Variants in COL6A5 observed in about 807,000 individuals in gnomAD.
The protein encoded by COL6A5 is collagen alpha-5(VI) chain.
Under a neutral mutation model 65.6 loss-of-function variants are expected in COL6A5, and 48 were observed. The ratio of observed to expected loss-of-function variants is 0.73; its 90% CI spans 0.58 to 0.93. COL6A5 has a LOEUF of 0.93. Ranked by LOEUF, COL6A5 falls within the 40% of genes least tolerant of loss-of-function variation. The probability of loss-of-function intolerance (pLI) is 0.00; values close to 1 mark genes in which losing one functional copy is unlikely to be tolerated. For synonymous variants in COL6A5, 291 were observed against 322.8 expected, an observed-to-expected ratio of 0.90 and a Z score of 1.05; for missense variants, 914 against 928.3, an observed-to-expected ratio of 0.98 and a Z score of 0.20.
intron 1 of COL6A5, among the ~76,000 whole-genome samples, chr3:130,436,102 A>C (rs1040298702): frequency 6.6e-6 from 1 of 152,080 alleles, no homozygotes; most frequent in African/African-American, 2.4e-5. Context: ...TAGCAGGTTA[A>C]ATCTCTATAA....
chr3:130,359,386 T>C (rs1935031400), intron 1 of COL6A5, among the ~76,000 whole-genome samples: 1 of 152,064 alleles, frequency 6.6e-6, no homozygotes, highest in African/African-American at 2.4e-5. Flanking sequence ...TTTAGAAGCC[T>C]ATGAAATGTT....
intron 1 of COL6A5, among the ~76,000 whole-genome samples, chr3:130,369,747 C>A (rs928461373): frequency 4.6e-5 from 7 of 152,132 alleles, no homozygotes; most frequent in Non-Finnish European, 8.8e-5. Flanking sequence ...GGAGCTTTAG[C>A]CCCCATCTCT....
intron 4 of COL6A5, among the ~76,000 whole-genome samples, chr3:130,383,645 TGG>T (rs1936083294): frequency 1.3e-5 from 2 of 152,052 alleles, no homozygotes; most frequent in Non-Finnish European, 2.9e-5. Context: ...GCAACTGCCG[TGG>T]GCTGAAGTAG....
intron 1 of COL6A5, among the ~76,000 whole-genome samples, chr3:130,371,303 T>A (rs1378486505): frequency 6.6e-6 from 1 of 152,064 alleles, no homozygotes; most frequent in African/African-American, 2.4e-5. Flanking sequence ...TTTCTTTTTT[T>A]TTTTCAGAAA....
rs73214706 is a variant in COL6A5 at position 130,361,398 on chromosome 3, C to G, written c.-28-12213C>G. ...TAATATGCATTTAAGGTTCATGTCT[C>G]TTAATGGCTTGATAGTATATTTCAT... is the stretch of plus-strand genomic sequence containing the variant. On this transcript the variant is annotated intron_variant and NMD_transcript_variant, in intron 1 of 41. Transcript: ENST00000312481. 7.4e-3 allele frequency among the ~76,000 whole-genome samples: 1,128 copies of G among 152,074 alleles called. 5 individuals are homozygous for G. Among genetic ancestry groups the G allele is most frequent in the Middle Eastern group, 0.034 (10 of 294 alleles).
In COL6A5 at chr3:130,373,323, T is replaced by C. The variant is rs140459745; in HGVS notation, c.-28-288T>C. On this transcript the variant is annotated intron_variant and NMD_transcript_variant, in intron 1 of 41. Transcript: ENST00000312481. ...TTTGGTGCTTCAGTTTCCTTTTCTG[T>C]CACATAAGTGTAGTAATTGTACCTC... is the stretch of plus-strand genomic sequence containing the variant. 5.7e-3 allele frequency among the ~76,000 whole-genome samples: 873 copies of C among 152,298 alleles called. 6 individuals are homozygous for C. The highest frequency in any genetic ancestry group is 0.019 in the African/African-American group (807 of 41,570).
In COL6A5 at chr3:130,362,272, T is replaced by TCTCTCTCTCTCTCTCTCTC. The variant is rs1553744426; in HGVS notation, c.-28-11339_-28-11338insCTCTCTCTCTCTCTCTCTC. On this transcript the variant is annotated intron_variant and NMD_transcript_variant, in intron 1 of 41. Coordinates refer to the COL6A5 transcript ENST00000312481. ...TTTCTTTCTCTCTCTCTCTCTCTCT[T>TCTCTCTCTCTCTCTCTCTC]TGTCTCTGTCTTTCTCCATATATAT... 8.8e-3 allele frequency among the ~76,000 whole-genome samples: 129 copies of TCTCTCTCTCTCTCTCTCTC among 14,608 alleles called. 8 individuals carry two copies. The South Asian group carries it at 0.2, about 22-fold the overall frequency. The allele number at this position is 14,608 out of a possible 152,430, so 9.6% of individuals were successfully genotyped here.
chr3:130,439,811 T>A (rs1339551318), intron 2 of COL6A5, among the ~76,000 whole-genome samples, 196 bp downstream of exon 34: 2 of 151,590 alleles, frequency 1.3e-5, no homozygotes, highest in African/African-American at 4.8e-5. Flanking sequence ...AAAATTGGTT[T>A]AGAAAATTAT....
chr3:130,349,037 A>G (rs879370256), intron 1 of COL6A5, among the ~76,000 whole-genome samples: 2 of 152,084 alleles, frequency 1.3e-5, no homozygotes, highest in Admixed American at 6.6e-5. Context: ...CAGATTTCTA[A>G]TTGCCTACCC....
In COL6A5 at chr3:130,423,910, T is replaced by G. The variant is rs1453587378; in HGVS notation, c.5163+10T>G. Reference sequence around the variant, plus strand: ...CCCTCCTGGACAGAGAGTAAGTGTATCCATAAGAACTAAATAGGATATAGT... The same window carrying G: ...CCCTCCTGGACAGAGAGTAAGTGTAGCCATAAGAACTAAATAGGATATAGT... On this transcript the variant is annotated intron_variant and NMD_transcript_variant, in intron 29 of 41. Transcript: ENST00000312481. 7.1e-6 allele frequency: 11 copies of G among 1,543,016 alleles called. No individual in the cohort carries two copies. Among genetic ancestry groups the G allele is most frequent in the African/African-American group, 1.4e-5 (1 of 72,746 alleles).
At chr3:130,475,956 T>C (rs1347840058) in intron 7 of COL6A5, among the ~76,000 whole-genome samples, 45 of 152,100 alleles carry the variant, frequency 3.0e-4, no homozygotes, top group Admixed American at 3.0e-3. Flanking sequence ...TCTGTTTTGG[T>C]AACTTCTGAT....
chr3:130,400,585 C>G (rs1559880778), intron 10 of COL6A5, among the ~76,000 whole-genome samples: 1 of 152,124 alleles, frequency 6.6e-6, no homozygotes, highest in Non-Finnish European at 1.5e-5. Context: ...GGCTTGGCCT[C>G]CCAGGGGTGT....
At chr3:130,359,554 T>C (rs1289056770) in intron 1 of COL6A5, among the ~76,000 whole-genome samples, 1 of 152,130 alleles carries the variant, frequency 6.6e-6, no homozygotes, top group African/African-American at 2.4e-5. Context: ...TAAAGTTATA[T>C]CAAAAATAAT....
At chr3:130,479,275 T>TGCACTA (rs1053951957) in intron 7 of COL6A5, among the ~76,000 whole-genome samples, 5 of 149,942 alleles carry the variant, frequency 3.3e-5, no homozygotes, top group Admixed American at 2.0e-4. Flanking sequence ...AGATGCCGAA[T>TGCACTA]GGGCCAGTGC....
chr3:130,444,532 G>A (rs1220483836), intron 4 of COL6A5, among the ~76,000 whole-genome samples: 7 of 152,100 alleles, frequency 4.6e-5, no homozygotes, highest in East Asian at 1.9e-4. Flanking sequence ...CGGTCCCTCC[G>A]TTTGGGGTCC....
intron 3 of COL6A5, among the ~76,000 whole-genome samples, chr3:130,441,048 C>T (rs2107703596): frequency 6.6e-6 from 1 of 152,124 alleles, no homozygotes; most frequent in East Asian, 1.9e-4. Context: ...TGTCTTTTAG[C>T]CAAACTCTCA....
At chr3:130,354,427 G>T (rs908405452) in intron 1 of COL6A5, among the ~76,000 whole-genome samples, 2 of 152,016 alleles carry the variant, frequency 1.3e-5, no homozygotes, top group Non-Finnish European at 2.9e-5. Flanking sequence ...TACATCATTG[G>T]GTATGCAAAA....
upstream of COL6A5, chr3:130,429,597 A>G: frequency 6.5e-7 from 1 of 1,546,414 alleles, no homozygotes; most frequent in Non-Finnish European, 8.7e-7. Flanking sequence ...GAGTATTCTT[A>G]CCATGCTGTT....
At chr3:130,422,462 C>T (rs976323) in intron 27 of COL6A5, among the ~76,000 whole-genome samples, 28,002 of 151,612 alleles carry the variant, frequency 0.18, 2,812 homozygotes, top group South Asian at 0.32. Flanking sequence ...TTTGGATATT[C>T]GTAGTAACTG....
Sources: allele counts gnomAD v4.1 joint callset (sites outside exome capture counted in the v4.1 genomes callset), GRCh38; gene constraint gnomAD v4.1.1; transcripts MANE v1.5; gene names NCBI Gene and HGNC (gene_info 2026-07-23, HGNC 2026-07-21).